The following MAPK10 variants were observed in gnomAD, a reference collection of about 807,000 sequenced individuals.
The protein encoded by MAPK10 is mitogen-activated protein kinase 10, also known as JNK3 alpha protein kinase.
In MAPK10, 25 loss-of-function variants were observed where a neutral mutation model predicts 59.3. The observed-to-expected ratio is 0.42, with a 90% CI of 0.31 to 0.59. MAPK10 has a LOEUF of 0.59. Ranked by LOEUF, MAPK10 falls within the 20% of genes least tolerant of loss-of-function variation. The pLI, the probability that MAPK10 is intolerant of heterozygous loss-of-function variation, is 0.15. For missense variants in MAPK10, 351 were observed against 568.9 expected, an observed-to-expected ratio of 0.62 and a Z score of 3.90; for synonymous variants, 190 against 200.5, an observed-to-expected ratio of 0.95 and a Z score of 0.44.
At chr4:86,177,990 G>T (rs952131022) in intron 3 of MAPK10, among the ~76,000 whole-genome samples, 1 of 151,830 alleles carries the variant, frequency 6.6e-6, no homozygotes, top group Admixed American at 6.6e-5. Context: ...TTTAATCTTG[G>T]CTATTATATC....
At chr4:86,075,583 CCTTT>C (rs1284121726) in intron 9 of MAPK10, among the ~76,000 whole-genome samples, 9 of 152,132 alleles carry the variant, frequency 5.9e-5, no homozygotes, top group Non-Finnish European at 5.9e-5. Context: ...GTGTGGATGT[CCTTT>C]CTGTTTGTTA....
intron 2 of MAPK10, among the ~76,000 whole-genome samples, chr4:86,319,803 A>G (rs1337426730): frequency 6.6e-6 from 1 of 152,226 alleles, no homozygotes; most frequent in Non-Finnish European, 1.5e-5. Context: ...CTTCTGCCTC[A>G]AGTCCTTGTA....
chr4:86,521,492 G>T lies in MAPK10; in HGVS notation c.-263+72418C>A, dbSNP rs1757106331. ...GCTTGTTGTGGCCACTGTCGGGGAT[G>T]GGGGTGGTTCTCAGGCCAATGGGGT... On this transcript the variant is annotated intron_variant, in intron 1 of 4. Transcript: ENST00000502302. Among the ~76,000 whole-genome samples the T allele has an allele frequency of 2.0e-5, 3 of 152,100 alleles. No homozygotes were observed. In the South Asian group the frequency reaches 6.2e-4, roughly 32 times the overall value.
rs1022899097 is a variant in MAPK10 at position 86,014,704 on chromosome 4, G to A, written c.*2524C>T. On this transcript the variant is annotated 3_prime_UTR_variant, in exon 14 of 14. Coordinates refer to ENST00000641462, the MANE Select transcript of MAPK10 (RefSeq NM_138982.4). ...GCTTTGGGAAGGTACTAACAGCGGG[G>A]GAGGGGCCCTGTCTAGTTCTTGCCT... 1.3e-5 allele frequency: 2 copies of A among 152,232 alleles called. No individual in the cohort carries two copies. Among genetic ancestry groups the A allele is most frequent in the African/African-American group, 4.8e-5 (2 of 41,440 alleles). The allele number at this position is 152,232 out of a possible 1,614,324, so 9.4% of individuals were successfully genotyped here.
chr4:86,015,864 C>T lies in MAPK10; in HGVS notation c.*1364G>A, dbSNP rs1743121170. The stretch of plus-strand genomic sequence containing the variant: ...CAGCCACATTAAGGAGTCAGGGAAA[C>T]TCCTGAGGAATAACAATGTCTCTGG... On this transcript the variant is annotated 3_prime_UTR_variant, in exon 14 of 14. Coordinates refer to ENST00000641462, the MANE Select transcript of MAPK10 (RefSeq NM_138982.4). 1 of 152,138 alleles carries T rather than the reference C, an allele frequency of 6.6e-6. No homozygotes were observed. The highest frequency in any genetic ancestry group is 2.4e-5 in the African/African-American group (1 of 41,434). The allele number at this position is 152,138 out of a possible 1,614,324, so 9.4% of individuals were successfully genotyped here. A position where few individuals can be genotyped will look rare whatever the true frequency, so the allele number is the denominator to read the frequency against.
chr4:86,524,864 G>A (rs983475787), intron 1 of MAPK10, among the ~76,000 whole-genome samples: 1 of 149,058 alleles, frequency 6.7e-6, no homozygotes, highest in Non-Finnish European at 1.5e-5. Context: ...AAAAAAGCCC[G>A]CAATGACTTT....
chr4:86,506,547 C>A (rs1323021957), intron 1 of MAPK10, among the ~76,000 whole-genome samples: 1 of 152,100 alleles, frequency 6.6e-6, no homozygotes, highest in East Asian at 1.9e-4. Flanking sequence ...GTTTGTGTTC[C>A]CCCAGAAGAA....
At chr4:86,186,212 C>T (rs1233687803) in intron 3 of MAPK10, among the ~76,000 whole-genome samples, 1 of 151,938 alleles carries the variant, frequency 6.6e-6, no homozygotes, top group Non-Finnish European at 1.5e-5. Flanking sequence ...AACTGAAGCA[C>T]ATAGAGATCA....
chr4:86,157,832 T>A (rs1017035049), intron 4 of MAPK10, among the ~76,000 whole-genome samples: 10 of 151,946 alleles, frequency 6.6e-5, no homozygotes, highest in African/African-American at 2.4e-4. Flanking sequence ...TATTTTTGAG[T>A]CATTAAAGGT....
chr4:86,317,782 A>G (rs2095817851), intron 2 of MAPK10, among the ~76,000 whole-genome samples: 1 of 152,224 alleles, frequency 6.6e-6, no homozygotes, highest in Non-Finnish European at 1.5e-5. Flanking sequence ...AGTTTCTGAG[A>G]GCTGCCATAA....
intron 1 of MAPK10, among the ~76,000 whole-genome samples, chr4:86,556,998 T>A (rs1760320791): frequency 6.6e-6 from 1 of 152,078 alleles, no homozygotes; most frequent in African/African-American, 2.4e-5. Flanking sequence ...AGAGCCATTT[T>A]AAATACAATG....
At chr4:86,401,167 C>T (rs1743669929) in intron 1 of MAPK10, among the ~76,000 whole-genome samples, 1 of 151,998 alleles carries the variant, frequency 6.6e-6, no homozygotes, top group African/African-American at 2.4e-5. Context: ...TGAGTCAAAA[C>T]ACAATTTGAT....
chr4:86,188,391 C>T (rs1366737562), intron 3 of MAPK10, among the ~76,000 whole-genome samples: 2 of 152,198 alleles, frequency 1.3e-5, no homozygotes, highest in East Asian at 3.9e-4. Context: ...TATTCCTCCA[C>T]ATCCTCTCCA....
chr4:86,188,078 C>T (rs552768611), intron 3 of MAPK10, among the ~76,000 whole-genome samples: 3 of 152,142 alleles, frequency 2.0e-5, no homozygotes, highest in Non-Finnish European at 4.4e-5. Flanking sequence ...AGGACATGAA[C>T]TCATCCTTTT....
At chr4:86,557,518 T>C (rs1760359170) in intron 1 of MAPK10, among the ~76,000 whole-genome samples, 1 of 152,080 alleles carries the variant, frequency 6.6e-6, no homozygotes, top group Non-Finnish European at 1.5e-5. Context: ...AACTGAGCAA[T>C]CAATTAGGAA....
chr4:86,044,830 T>C (rs923258318), intron 11 of MAPK10: 2 of 397,142 alleles, frequency 5.0e-6, no homozygotes, highest in Non-Finnish European at 8.9e-6. Flanking sequence ...CTTGAGCAAG[T>C]CACTCAGTTT....
chr4:86,577,006 T>C lies in MAPK10; in HGVS notation c.-263+16904A>G, dbSNP rs573420535. On this transcript the variant is annotated intron_variant, in intron 1 of 4. Transcript: ENST00000502302. ...AAAGAATTTCCAACATTATATTTAGTATAAATGCATTTTTAGGCCCACTAT... is the reference window on the plus strand; with the variant it reads ...AAAGAATTTCCAACATTATATTTAGCATAAATGCATTTTTAGGCCCACTAT... 2.0e-5 allele frequency among the ~76,000 whole-genome samples: 3 copies of C among 152,296 alleles called. No homozygotes were observed. The South Asian group carries it at 6.2e-4, about 32-fold the overall frequency.
chr4:86,275,666 G>T (rs1482405403), intron 2 of MAPK10, among the ~76,000 whole-genome samples: 2 of 151,900 alleles, frequency 1.3e-5, no homozygotes, highest in Non-Finnish European at 2.9e-5. Context: ...AATTACTTTT[G>T]CTCCAACCTA....
At chr4:86,078,630 A>C (rs112584288) in intron 9 of MAPK10, among the ~76,000 whole-genome samples, 5 of 148,896 alleles carry the variant, frequency 3.4e-5, no homozygotes, top group African/African-American at 7.5e-5. Flanking sequence ...CACACACACA[A>C]ACATATGATA....
Sources: allele counts gnomAD v4.1 joint callset (sites outside exome capture counted in the v4.1 genomes callset), GRCh38; gene constraint gnomAD v4.1.1; transcripts MANE v1.5; gene names NCBI Gene and HGNC (gene_info 2026-07-23, HGNC 2026-07-21).